The following AXIN1 variants were observed in gnomAD, a reference collection of about 807,000 sequenced individuals.
AXIN1 encodes the protein axin-1.
AXIN1 carries 30 observed loss-of-function variants against 76.4 expected under a neutral mutation model. The ratio of observed to expected loss-of-function variants is 0.39; its 90% CI spans 0.29 to 0.53. The LOEUF is 0.53. AXIN1 is among the 20% of genes least tolerant of loss of function. AXIN1 has a pLI of 0.66. For synonymous variants in AXIN1, 545 were observed against 501.4 expected (o/e 1.09, Z -1.16); for missense variants, 1,140 against 1,198.8 (o/e 0.95, Z 0.72).
At chr16:307,847 C>T (rs2053068765) in intron 4 of AXIN1, among the ~76,000 whole-genome samples, 3 of 152,232 alleles carry the variant, frequency 2.0e-5, no homozygotes, top group Admixed American at 2.0e-4. Flanking sequence ...TGGGCCTCCC[C>T]CCGCCTCTGC....
intron 1 of AXIN1, among the ~76,000 whole-genome samples, chr16:348,611 G>A (rs936341765): frequency 1.3e-5 from 2 of 152,126 alleles, no homozygotes; most frequent in Non-Finnish European, 2.9e-5. Flanking sequence ...ACTAACCTGG[G>A]CAACATAGTG....
rs1265248517 is a variant in AXIN1 at position 293,523 on chromosome 16, T to C, written c.2151A>G (p.Glu717=). The C allele has an allele frequency of 1.2e-6, 2 of 1,610,556 alleles. No individual in the cohort carries two copies. Among genetic ancestry groups the C allele is most frequent in the African/African-American group, 1.3e-5 (1 of 74,856 alleles). ...LEEARRRLEE[E]EKRASRAPSK... is the part of the protein sequence containing the mutation. Reference sequence around the variant, plus strand: ...AGGGTGCTCGGCTGGCTCTCTTTTCTTCCTCCTCCAGACGTCGGCGCGCCT... The same window carrying C: ...AGGGTGCTCGGCTGGCTCTCTTTTCCTCCTCCTCCAGACGTCGGCGCGCCT... The change falls in exon 8 of 11, where the codon GAA becomes GAG. Residue 717 remains glutamate (E), a synonymous_variant. Coordinates refer to ENST00000262320, the MANE Select transcript of AXIN1 (RefSeq NM_003502.4). This position sits in a 1 kb window ranked among gnomAD's most constrained non-coding sequence, Gnocchi z 4.6.
intron 2 of AXIN1, among the ~76,000 whole-genome samples, chr16:320,004 T>C (rs2053403239): frequency 6.6e-6 from 1 of 152,170 alleles, no homozygotes; most frequent in Non-Finnish European, 1.5e-5. Context: ...GTACAGTTCT[T>C]TCATTGGTTC....
intron 2 of AXIN1, among the ~76,000 whole-genome samples, chr16:317,833 CCTCAGAT>C (rs1456323465): frequency 6.6e-6 from 1 of 152,186 alleles, no homozygotes; most frequent in East Asian, 1.9e-4. Context: ...CTGCAGCCAA[CCTCAGAT>C]CTCAGGTTAA....
At chr16:295,176 G>T (rs1000665656) in intron 7 of AXIN1, among the ~76,000 whole-genome samples, 1 of 150,756 alleles carries the variant, frequency 6.6e-6, no homozygotes, top group Non-Finnish European at 1.5e-5. Flanking sequence ...TCGGATCTCG[G>T]CTCACTGCAA....
rs371528357 is a variant in AXIN1, at chr16:340,877, G to A, written c.878+5271C>T. Reference sequence around the variant, plus strand: ...CAAATCAAGTATGTGAAACCACCACGCGGCTCACACACGGACCAACAAGGA... The same window carrying A: ...CAAATCAAGTATGTGAAACCACCACACGGCTCACACACGGACCAACAAGGA... On this transcript the variant is annotated intron_variant, in intron 2 of 10. Transcript: ENST00000262320. Among the ~76,000 whole-genome samples, 8 of 152,318 alleles carry A rather than the reference G, an allele frequency of 5.3e-5. No homozygotes were observed. The East Asian group carries it at 1.4e-3, about 26-fold the overall frequency.
chr16:302,575 G>A (rs1426537248), intron 5 of AXIN1, among the ~76,000 whole-genome samples: 4 of 152,248 alleles, frequency 2.6e-5, no homozygotes, highest in South Asian at 2.1e-4. Context: ...CCCGGCGCAC[G>A]GTTTCCCAGA....
chr16:287,803 G>T lies in AXIN1; in HGVS notation c.*319C>A, dbSNP rs1371771405. On this transcript the variant is annotated 3_prime_UTR_variant, in exon 11 of 11. Coordinates refer to ENST00000262320, the MANE Select transcript of AXIN1 (RefSeq NM_003502.4). ...AGAGGGAAAGTAGATCCCAGCACAC[G>T]TGCCCAAGGGAGGTGCCGGGGGATG... The T allele has an allele frequency of 8.3e-6, 4 of 481,364 alleles. 1 individual carries two copies. Among genetic ancestry groups the T allele is most frequent in the Non-Finnish European group, 1.5e-5 (4 of 260,146 alleles). 29.8% of individuals were successfully genotyped at this position (481,364 alleles called of 1,614,324 possible). A position where few individuals can be genotyped will look rare whatever the true frequency, so the allele number is the denominator to read the frequency against.
chr16:333,088 C>T (rs988431601), intron 2 of AXIN1, among the ~76,000 whole-genome samples: 1 of 152,092 alleles, frequency 6.6e-6, no homozygotes, highest in Non-Finnish European at 1.5e-5. Flanking sequence ...AATCCCAGCA[C>T]TTTGGAGGCC....
At position 288,103 on chromosome 16, in the gene AXIN1, C is replaced by CG. The variant is rs776586961; in HGVS notation, c.*18dup. On this transcript the variant is annotated 3_prime_UTR_variant, in exon 11 of 11. Transcript: ENST00000262320. ...CCGCCAAGGGCCTCGCCTGGCACAG[C>CG]GGCCAGCCCACCAGCCTATCAGTCC... The CG allele has an allele frequency of 3.0e-5, 49 of 1,612,806 alleles. No homozygotes were observed. The highest frequency in any genetic ancestry group is 1.2e-4 in the Admixed American group (7 of 60,014).
At chr16:352,262 C>A (rs2054161681) in intron 1 of AXIN1, 107 bp downstream of exon 1, 3 of 685,116 alleles carry the variant, frequency 4.4e-6, no homozygotes, top group South Asian at 1.3e-4. Context: ...CGCGCGCCCA[C>A]CCCCTCGGTC....
chr16:332,500 C>A (rs556312151), intron 2 of AXIN1, among the ~76,000 whole-genome samples: 2 of 150,370 alleles, frequency 1.3e-5, no homozygotes, highest in South Asian at 2.1e-4. Context: ...GGCGTGAACC[C>A]GGGAGGTGGA....
chr16:351,098 C>G (rs1248372343), intron 1 of AXIN1, among the ~76,000 whole-genome samples: 1 of 150,124 alleles, frequency 6.7e-6, no homozygotes, highest in African/African-American at 2.5e-5. Flanking sequence ...CGCCATTGGA[C>G]TCCAGCCTGG....
chr16:350,213 C>A (rs1006188166), intron 1 of AXIN1, among the ~76,000 whole-genome samples: 2 of 152,210 alleles, frequency 1.3e-5, no homozygotes, highest in African/African-American at 4.8e-5. Context: ...AGCACATGAA[C>A]CCCTCTACAA....
chr16:334,853 C>T lies in AXIN1; in HGVS notation c.878+11295G>A, dbSNP rs569416128. Among the ~76,000 whole-genome samples the T allele has an allele frequency of 1.5e-3, 228 of 150,468 alleles. 1 individual carries two copies. The highest frequency in any genetic ancestry group is 5.3e-3 in the African/African-American group (216 of 40,842). ...AAGCAAACCATCCAGTACCATGACA[C>T]GCTAATTACACAGCACCCAGTACCA... On this transcript the variant is annotated intron_variant, in intron 2 of 10. Coordinates refer to ENST00000262320, the MANE Select transcript of AXIN1 (RefSeq NM_003502.4).
At chr16:311,066 T>C in intron 3 of AXIN1, among the ~76,000 whole-genome samples, 1 of 151,966 alleles carries the variant, frequency 6.6e-6, no homozygotes, top group African/African-American at 2.4e-5. Flanking sequence ...GGAGTCTTGC[T>C]CTGTCGCCCA....
Position 287,613 on chromosome 16 carries a change from G to C in AXIN1, c.*509C>G, listed in dbSNP as rs9939865. 3.2e-6 allele frequency: 1 copy of C among 312,260 alleles called. No homozygotes were observed. The highest frequency in any genetic ancestry group is 6.0e-6 in the Non-Finnish European group (1 of 166,750). 19.3% of individuals were successfully genotyped at this position (312,260 alleles called of 1,614,324 possible). On this transcript the variant is annotated 3_prime_UTR_variant, in exon 11 of 11. Coordinates refer to ENST00000262320, the MANE Select transcript of AXIN1 (RefSeq NM_003502.4). Reference sequence around the variant, plus strand: ...AAGGAGGACCCAGGACTGCACAGCCGGCGGCTGGAGGCAGGTGCAGTGCTC... The same window carrying C: ...AAGGAGGACCCAGGACTGCACAGCCCGCGGCTGGAGGCAGGTGCAGTGCTC...
At chr16:295,301 G>C (rs1596988082) in intron 7 of AXIN1, among the ~76,000 whole-genome samples, 1 of 151,780 alleles carries the variant, frequency 6.6e-6, no homozygotes, top group South Asian at 2.1e-4. Flanking sequence ...TAGAGATGGA[G>C]TTTTTGTCAT....
Position 341,505 on chromosome 16 carries a change from C to T in AXIN1, c.878+4643G>A, listed in dbSNP as rs539447310. Among the ~76,000 whole-genome samples the T allele has an allele frequency of 3.3e-5, 5 of 152,384 alleles. No individual in the cohort carries two copies. In the East Asian group the frequency reaches 5.8e-4, roughly 18 times the overall value. ...GGGTCTTAACTGCCTTCCTGCAGGG[C>T]AGGGCTCGGGAGCTGCAGCCCGCCA... On this transcript the variant is annotated intron_variant, in intron 2 of 10. Transcript: ENST00000262320.
Sources: gnomAD v4.1 joint callset for allele counts (sites outside exome capture counted in the v4.1 genomes callset) on GRCh38, gnomAD v4.1.1 for gene constraint, Gnocchi (gnomAD v3.1) non-coding constraint, MANE v1.5 for transcripts, NCBI Gene and HGNC (gene_info 2026-07-23, HGNC 2026-07-21) for gene names.